The following CPD variants were observed in gnomAD, a reference collection of about 807,000 sequenced individuals.
CPD encodes carboxypeptidase D, also known as metallocarboxypeptidase D.
Under a neutral mutation model 138.3 loss-of-function variants are expected in CPD, and 69 were observed. The observed-to-expected ratio is 0.50, with a 90% CI of 0.41 to 0.61. CPD has a LOEUF of 0.61. CPD is among the 20% of genes least tolerant of loss of function. The pLI, the probability that CPD is intolerant of heterozygous loss-of-function variation, is 0.00. For missense variants in CPD, 1,432 were observed against 1,733.3 expected (o/e 0.83, Z 3.09); for synonymous variants, 651 against 642.1 (o/e 1.01, Z -0.21).
intron 13 of CPD, among the ~76,000 whole-genome samples, chr17:30,450,891 G>T (rs964538323): frequency 6.6e-6 from 1 of 152,108 alleles, no homozygotes; most frequent in Admixed American, 6.5e-5. Flanking sequence ...TGACCCAGAG[G>T]CTTGGGCACG....
intron 10 of CPD, among the ~76,000 whole-genome samples, 165 bp downstream of exon 10, chr17:30,442,615 C>G (rs1016397520): frequency 6.6e-6 from 1 of 151,990 alleles, no homozygotes; most frequent in Non-Finnish European, 1.5e-5. Context: ...ATATATTTAT[C>G]TAGAAAATTC....
intron 1 of CPD, among the ~76,000 whole-genome samples, chr17:30,381,498 A>G (rs1014110582): frequency 7.9e-5 from 12 of 152,226 alleles, no homozygotes; most frequent in Non-Finnish European, 1.2e-4. Flanking sequence ...TCTGTTCTTC[A>G]AATATGTAAC....
intron 14 of CPD, 35 bp downstream of exon 14, chr17:30,451,881 G>A (rs371052379): frequency 1.9e-5 from 30 of 1,592,622 alleles, no homozygotes; most frequent in Non-Finnish European, 2.5e-5. Flanking sequence ...AAGTACTTAG[G>A]AGATAATTTT....
rs564873667 is a variant in CPD at position 30,457,599 on chromosome 17, C to T, written c.3498+1073C>T. Among the ~76,000 whole-genome samples, 3 of 152,072 alleles carry T rather than the reference C, an allele frequency of 2.0e-5. No individual in the cohort carries two copies. The East Asian group carries it at 5.8e-4, about 29-fold the overall frequency. On this transcript the variant is annotated intron_variant, in intron 17 of 20. Coordinates refer to ENST00000225719, the MANE Select transcript of CPD (RefSeq NM_001304.5). ...CACAGCAGCTGCACCATTTTACATTCCTTACCAGCAATGTTTGAGGTTTCC... is the reference window on the plus strand; with the variant it reads ...CACAGCAGCTGCACCATTTTACATTTCTTACCAGCAATGTTTGAGGTTTCC...
rs535990006 is a variant in CPD at position 30,431,359 on chromosome 17, G to A, written c.2018-413G>A. 3.3e-5 allele frequency among the ~76,000 whole-genome samples: 5 copies of A among 152,234 alleles called. No individual in the cohort carries two copies. The South Asian group carries it at 1.0e-3, about 32-fold the overall frequency. Reference sequence around the variant, plus strand: ...TAAGAGTTTTTAAATACTGGACACTGGACCCTTATCAGGCTTGCAAAACAT... The same window carrying A: ...TAAGAGTTTTTAAATACTGGACACTAGACCCTTATCAGGCTTGCAAAACAT... On this transcript the variant is annotated intron_variant, in intron 7 of 20. Coordinates refer to ENST00000225719, the MANE Select transcript of CPD (RefSeq NM_001304.5).
intron 17 of CPD, among the ~76,000 whole-genome samples, chr17:30,459,773 T>G (rs1567885350): frequency 6.6e-6 from 1 of 152,224 alleles, no homozygotes; most frequent in Non-Finnish European, 1.5e-5. Flanking sequence ...TGTCCTCCTA[T>G]CCATTATTTA....
intron 20 of CPD, among the ~76,000 whole-genome samples, chr17:30,464,082 C>T (rs1016034259): frequency 2.6e-5 from 4 of 151,922 alleles, no homozygotes; most frequent in Non-Finnish European, 5.9e-5. Flanking sequence ...AATACATGTA[C>T]GTGCATATGC....
At chr17:30,427,585 C>G (rs764200925) in intron 7 of CPD, 27 bp downstream of exon 7, 33 of 1,602,712 alleles carry the variant, frequency 2.1e-5, no homozygotes, top group Non-Finnish European at 2.7e-5. Context: ...TTCTACTAAT[C>G]AGTTCTTGTT....
At chr17:30,422,573 C>G (rs904694296) in intron 4 of CPD, 101 bp from the exon 5 acceptor site, 3 of 708,938 alleles carry the variant, frequency 4.2e-6, no homozygotes, top group East Asian at 5.6e-5. Flanking sequence ...TTTGATAGAT[C>G]GCTAAGTGTA....
At chr17:30,407,413 C>T (rs1209520186) in intron 2 of CPD, among the ~76,000 whole-genome samples, 1 of 152,198 alleles carries the variant, frequency 6.6e-6, no homozygotes, top group Non-Finnish European at 1.5e-5. Flanking sequence ...AATGGTTGAA[C>T]TAATTTACAC....
At chr17:30,461,043 C>A in intron 17 of CPD, 137 bp from the exon 18 acceptor site, 1 of 558,976 alleles carries the variant, frequency 1.8e-6, no homozygotes, top group Non-Finnish European at 2.9e-6. Flanking sequence ...TTATATTTGT[C>A]ATAAAATGCT....
chr17:30,435,935 A>G (rs1474290649), intron 8 of CPD, among the ~76,000 whole-genome samples: 1 of 152,084 alleles, frequency 6.6e-6, no homozygotes, highest in African/African-American at 2.4e-5. Flanking sequence ...ATCACACGGC[A>G]TTCTCCCTCT....
At chr17:30,429,703 C>T (rs576588596) in intron 7 of CPD, among the ~76,000 whole-genome samples, 41 of 152,218 alleles carry the variant, frequency 2.7e-4, no homozygotes, top group African/African-American at 9.4e-4. Context: ...ACTTAGTGCT[C>T]TTATAACAAA....
chr17:30,462,041 G>A lies in CPD; in HGVS notation c.3795G>A (p.Gly1265=). The change falls in exon 19 of 21, where the codon GGG becomes GGA. Residue 1265 remains glycine, a synonymous_variant. Transcript: ENST00000225719. The part of the protein sequence containing the change: ...GVHNIIAIAD[G]YQQQHSQVFV... Reference sequence around the variant, plus strand: ...ATAACATTATTGCCATCGCTGATGGGTACCAGCAACAACATTCACAGGTAA... The same window carrying A: ...ATAACATTATTGCCATCGCTGATGGATACCAGCAACAACATTCACAGGTAA... 6.2e-7 allele frequency: 1 copy of A among 1,610,014 alleles called. No individual in the cohort carries two copies.
intron 20 of CPD, among the ~76,000 whole-genome samples, chr17:30,463,444 A>G (rs921808939): frequency 2.0e-5 from 3 of 152,236 alleles, no homozygotes; most frequent in Admixed American, 6.5e-5. Context: ...GATTTGCTTT[A>G]TATTAAAGTC....
chr17:30,393,644 A>G (rs1245578858), intron 2 of CPD, among the ~76,000 whole-genome samples: 3 of 152,202 alleles, frequency 2.0e-5, no homozygotes, highest in Admixed American at 6.5e-5. Flanking sequence ...TTTGAATAAC[A>G]TAAATAAACC....
At position 30,379,130 on chromosome 17, in the gene CPD, G is replaced by C; in HGVS notation, c.150G>C (p.Ala50=). The change falls in exon 1 of 21, where the codon GCG becomes GCC. Residue 50 remains alanine, a synonymous_variant. Coordinates refer to ENST00000225719, the MANE Select transcript of CPD (RefSeq NM_001304.5). The surrounding 1 kb of genome is among the most constrained non-coding windows in gnomAD (Gnocchi z 7.0). ...CAACTACGAGCGCGGGCGCCGAGGC[G>C]GCCGAGGGCCAGTTCGACCGCTACT... is the stretch of plus-strand genomic sequence containing the variant. ...TTTTTSAGAE[A]AEGQFDRYYH... 6.5e-7 allele frequency: 1 copy of C among 1,538,944 alleles called. No individual in the cohort carries two copies. The highest frequency in any genetic ancestry group is 1.2e-5 in the South Asian group (1 of 84,212).
chr17:30,461,148 TC>T (rs958587224), intron 17 of CPD, 31 bp from the exon 18 acceptor site: 4 of 1,526,358 alleles, frequency 2.6e-6, no homozygotes, highest in East Asian at 4.7e-5. Context: ...TTATTAATTT[TC>T]CCACATTTGA....
chr17:30,396,056 A>G (rs1911499066), intron 2 of CPD, among the ~76,000 whole-genome samples: 1 of 152,162 alleles, frequency 6.6e-6, no homozygotes, highest in South Asian at 2.1e-4. Context: ...ATTTTTTTAC[A>G]AACGTTATGC....
Sources: allele counts gnomAD v4.1 joint callset (sites outside exome capture counted in the v4.1 genomes callset), GRCh38; gene constraint gnomAD v4.1.1; non-coding constraint Gnocchi (gnomAD v3.1); transcripts MANE v1.5; gene names NCBI Gene and HGNC (gene_info 2026-07-23, HGNC 2026-07-21).